Variants in NBAS observed in about 807,000 individuals in gnomAD.
The protein encoded by NBAS is NBAS subunit of NRZ tethering complex, also known as NAG/BC035112 fusion.
Under a neutral mutation model 302.5 loss-of-function variants are expected in NBAS, and 219 were observed. That is an observed-to-expected ratio of 0.72 (90% CI 0.65 to 0.81). The LOEUF (loss-of-function observed/expected upper bound fraction) is 0.81, where lower values mean the gene tolerates loss of function less well. Among genes scored for constraint, NBAS ranks in the 30% least tolerant of loss-of-function variants. NBAS has a pLI of 0.00. For missense variants in NBAS, 2,932 were observed against 2,841.6 expected (o/e 1.03, Z -0.72); for synonymous variants, 1,118 against 1,021.6 (o/e 1.09, Z -1.80).
chr2:15,549,359 G>T (rs1037523254), intron 6 of NBAS, among the ~76,000 whole-genome samples: 1 of 152,142 alleles, frequency 6.6e-6, no homozygotes, highest in African/African-American at 2.4e-5. Flanking sequence ...GCAGACTGTT[G>T]TAAGAAACCA....
At chr2:15,122,142 T>C in the NBAS span, among the ~76,000 whole-genome samples, 3 of 151,988 alleles carry the variant, frequency 2.0e-5, no homozygotes, top group East Asian at 3.9e-4. Flanking sequence ...CTGTTTTTTT[T>C]TTTTTCTTTT....
At chr2:15,090,050 G>A in the NBAS span, among the ~76,000 whole-genome samples, 6 of 151,990 alleles carry the variant, frequency 3.9e-5, no homozygotes, top group African/African-American at 1.2e-4. Flanking sequence ...GCCCGGCCTG[G>A]TCAAGGTTTT....
the NBAS span, among the ~76,000 whole-genome samples, chr2:15,110,540 C>T: frequency 2.6e-5 from 4 of 152,052 alleles, no homozygotes; most frequent in East Asian, 1.9e-4. Flanking sequence ...GCAGCCTGCT[C>T]GCCAGAGTGA....
chr2:15,423,190 TAAAGTAACTGAAC>T (rs1677294937), intron 23 of NBAS, among the ~76,000 whole-genome samples: 1 of 152,218 alleles, frequency 6.6e-6, no homozygotes, highest in Admixed American at 6.5e-5. Flanking sequence ...AATACGGAAT[TAAAGTAACTGAAC>T]TAGCTTATTT....
At chr2:15,402,331 T>G (rs1467076332) in intron 25 of NBAS, 30 bp from the exon 26 acceptor site, 1 of 1,610,578 alleles carries the variant, frequency 6.2e-7, no homozygotes, top group Admixed American at 1.7e-5. Flanking sequence ...TTGTACTAAA[T>G]GTCAACAGAT....
At chr2:15,247,192 T>C (rs1668130782) in intron 44 of NBAS, among the ~76,000 whole-genome samples, 1 of 151,266 alleles carries the variant, frequency 6.6e-6, no homozygotes, top group South Asian at 2.1e-4. Flanking sequence ...CAAGAGAGGG[T>C]TTCTGGATCT....
the NBAS span, among the ~76,000 whole-genome samples, chr2:14,901,268 G>A: frequency 1.3e-5 from 2 of 152,178 alleles, no homozygotes; most frequent in African/African-American, 4.8e-5. Context: ...TGGAATTGCA[G>A]CTCCATTCCA....
At chr2:15,229,099 T>A (rs959554978) in intron 47 of NBAS, among the ~76,000 whole-genome samples, 17 of 152,092 alleles carry the variant, frequency 1.1e-4, no homozygotes, top group African/African-American at 3.9e-4. Flanking sequence ...CCCAGCACTT[T>A]GTGAGGCCAA....
chr2:15,119,980 A>G, the NBAS span, among the ~76,000 whole-genome samples: 1 of 152,182 alleles, frequency 6.6e-6, no homozygotes, highest in Middle Eastern at 3.2e-3. Flanking sequence ...TCCCAAGCCC[A>G]CTGCAGTCTC....
intron 13 of NBAS, among the ~76,000 whole-genome samples, chr2:15,477,850 G>C (rs190943976): frequency 6.6e-6 from 1 of 152,026 alleles, no homozygotes; most frequent in South Asian, 2.1e-4. Context: ...TCTTTAAAAC[G>C]TGGAAATGTA....
At chr2:14,846,658 C>G in the NBAS span, among the ~76,000 whole-genome samples, 1 of 151,572 alleles carries the variant, frequency 6.6e-6, no homozygotes, top group African/African-American at 2.4e-5. Context: ...TAAATAGAAA[C>G]AAAAAAGTTG....
chr2:14,999,240 T>TAG, the NBAS span, among the ~76,000 whole-genome samples: 6 of 152,046 alleles, frequency 3.9e-5, no homozygotes, highest in Non-Finnish European at 8.8e-5. Context: ...CTCTTGTTAA[T>TAG]ACATTAATGT....
At chr2:15,306,695 A>G (rs1671049770) in intron 40 of NBAS, among the ~76,000 whole-genome samples, 1 of 151,822 alleles carries the variant, frequency 6.6e-6, no homozygotes, top group African/African-American at 2.4e-5. Flanking sequence ...AGATAAATGC[A>G]TATTTACTTT....
chr2:15,161,421 C>A, the NBAS span, among the ~76,000 whole-genome samples: 1 of 152,140 alleles, frequency 6.6e-6, no homozygotes, highest in Non-Finnish European at 1.5e-5. Flanking sequence ...CTTTTCCTGT[C>A]TCCTAGGAGA....
intron 51 of NBAS, among the ~76,000 whole-genome samples, chr2:15,173,217 C>T (rs1016567): frequency 0.3 from 45,165 of 151,986 alleles, 7,266 homozygotes; most frequent in African/African-American, 0.43. Flanking sequence ...TCTATTAAAG[C>T]ACAAAGCACT....
the NBAS span, among the ~76,000 whole-genome samples, chr2:15,041,003 C>T: frequency 6.6e-6 from 1 of 152,360 alleles, no homozygotes; most frequent in South Asian, 2.1e-4. Flanking sequence ...CTAACCTACA[C>T]ATCACTGGCA....
At chr2:15,118,774 G>A in the NBAS span, among the ~76,000 whole-genome samples, 2 of 152,158 alleles carry the variant, frequency 1.3e-5, no homozygotes, top group African/African-American at 4.8e-5. Flanking sequence ...CCCAGTCCCA[G>A]GAGATGTCAC....
At chr2:15,449,525 C>T (rs1367058192) in intron 21 of NBAS, among the ~76,000 whole-genome samples, 4 of 152,116 alleles carry the variant, frequency 2.6e-5, no homozygotes, top group East Asian at 3.9e-4. Context: ...ACTTCCAAGG[C>T]CCAAAAAAAC....
intron 6 of NBAS, among the ~76,000 whole-genome samples, chr2:15,541,818 C>A (rs1286152834): frequency 9.7e-5 from 10 of 102,716 alleles, no homozygotes; most frequent in East Asian, 2.2e-4. Context: ...GGGTTCAGCC[C>A]CCCGCCCGGC....
Sources: gnomAD v4.1 joint callset for allele counts (sites outside exome capture counted in the v4.1 genomes callset) on GRCh38, gnomAD v4.1.1 for gene constraint, MANE v1.5 for transcripts, NCBI Gene and HGNC (gene_info 2026-07-23, HGNC 2026-07-21) for gene names.